Variants in LRRC27 observed in about 807,000 individuals in gnomAD.
LRRC27 encodes the protein leucine-rich repeat-containing protein 27.
A neutral mutation model predicts 55.0 loss-of-function variants in LRRC27; 57 were observed. That is an observed-to-expected ratio of 1.04 (90% confidence interval 0.84 to 1.29). The LOEUF (loss-of-function observed/expected upper bound fraction) is 1.29, where lower values mean the gene tolerates loss of function less well. Among genes scored for constraint, LRRC27 ranks in the 50% most tolerant of loss-of-function variants. LRRC27 has a pLI of 0.00. For missense variants in LRRC27, 721 were observed against 651.5 expected (o/e 1.11, Z -1.16); for synonymous variants, 278 against 251.9 (o/e 1.10, Z -0.98).
chr10:132,361,323 G>A, intron 8 of LRRC27, 134 bp from the exon 9 acceptor site: 1 of 748,590 alleles, frequency 1.3e-6, no homozygotes, highest in Non-Finnish European at 2.4e-6. Flanking sequence ...GTTGCACAGG[G>A]ACCGTCTACC....
At chr10:132,330,295 T>C (rs1441407831), upstream of LRRC27, 1 of 617,290 alleles carries the variant, frequency 1.6e-6, no homozygotes, top group African/African-American at 1.8e-5. Flanking sequence ...CTCAAATGGT[T>C]AGTAAATGTT....
rs1564854964 is a variant in LRRC27 at position 132,364,782 on chromosome 10, A to ACACC, written c.1290-641_1290-640insACCC. Among the ~76,000 whole-genome samples the ACACC allele has an allele frequency of 4.7e-4, 56 of 118,604 alleles. 4 individuals carry two copies. Among genetic ancestry groups the ACACC allele is most frequent in the Middle Eastern group, 5.2e-3 (1 of 192 alleles). The allele number at this position is 118,604 out of a possible 152,430, so 77.8% of individuals were successfully genotyped here. A position where few individuals can be genotyped will look rare whatever the true frequency, so the allele number is the denominator to read the frequency against. ...TACACTCATGCTTACATCTACCTCCACGCCCACACTCACACCCACCCACAC... is the reference window on the plus strand; with the variant it reads ...TACACTCATGCTTACATCTACCTCCACACCCGCCCACACTCACACCCACCCACAC... On this transcript the variant is annotated intron_variant, in intron 9 of 10. Coordinates refer to ENST00000368614, the MANE Select transcript of LRRC27 (RefSeq NM_030626.3).
At chr10:132,364,970 T>C (rs1038186591) in intron 9 of LRRC27, among the ~76,000 whole-genome samples, 1 of 152,244 alleles carries the variant, frequency 6.6e-6, no homozygotes, top group African/African-American at 2.4e-5. Flanking sequence ...CCCAAACCCC[T>C]GAGCCCCAGT....
At chr10:132,334,441 A>G (rs2067017632) in intron 2 of LRRC27, among the ~76,000 whole-genome samples, 1 of 152,166 alleles carries the variant, frequency 6.6e-6, no homozygotes, top group Non-Finnish European at 1.5e-5. Flanking sequence ...GGGTTTCACC[A>G]TGTTGCCCAG....
Position 132,372,994 on chromosome 10 carries a change from G to A in LRRC27, c.1417-2072G>A, listed in dbSNP as rs1274109849. Among the ~76,000 whole-genome samples, 2 of 152,126 alleles carry A rather than the reference G, an allele frequency of 1.3e-5. No homozygotes were observed. Among genetic ancestry groups the A allele is most frequent in the Non-Finnish European group, 2.9e-5 (2 of 68,024 alleles). ...GGGAGAGGCCAAAGCCAGCCGGCTG[G>A]GGAGCGAGCTTCGAATGGATGCGAA... On this transcript the variant is annotated intron_variant, in intron 10 of 10. Transcript: ENST00000368614. This position sits in a 1 kb window ranked among gnomAD's most constrained non-coding sequence, Gnocchi z 4.0.
chr10:132,376,546 G>A lies in LRRC27; in HGVS notation c.*1304G>A, dbSNP rs536404015. 6.6e-6 allele frequency: 1 copy of A among 152,492 alleles called. No individual in the cohort carries two copies. The highest frequency in any genetic ancestry group is 2.4e-5 in the African/African-American group (1 of 41,594). The allele number at this position is 152,492 out of a possible 1,614,324, so 9.4% of individuals were successfully genotyped here. A position where few individuals can be genotyped will look rare whatever the true frequency, so the allele number is the denominator to read the frequency against. ...GCTGGTCAGGGTCTCCCGTGAGGCT[G>A]GAGTCAGCCGTGGGTTGAGCTGCTC... is the stretch of plus-strand genomic sequence containing the variant. On this transcript the variant is annotated 3_prime_UTR_variant, in exon 11 of 11. Transcript: ENST00000368614.
At chr10:132,364,455 T>TTACATCTACCTC (rs2068858241) in intron 9 of LRRC27, among the ~76,000 whole-genome samples, 1 of 118,036 alleles carries the variant, frequency 8.5e-6, no homozygotes, top group African/African-American at 3.2e-5. Context: ...ACACCCACAC[T>TTACATCTACCTC]CACACCCACC....
chr10:132,331,784 C>A (rs12778987), upstream of LRRC27: 318,028 of 1,606,958 alleles, frequency 0.2, 35,032 homozygotes, highest in Non-Finnish European at 0.23. Context: ...CCCCTCCAGA[C>A]CCTCGCGGTC....
intron 8 of LRRC27, among the ~76,000 whole-genome samples, chr10:132,357,960 C>T (rs1484888107): frequency 1.3e-5 from 2 of 152,178 alleles, no homozygotes; most frequent in Non-Finnish European, 2.9e-5. Flanking sequence ...GGTGAGGCAG[C>T]TGAACGCATG....
At chr10:132,369,194 T>A (rs2069161083) in intron 10 of LRRC27, among the ~76,000 whole-genome samples, 2 of 152,226 alleles carry the variant, frequency 1.3e-5, no homozygotes. Flanking sequence ...TACAGCCACT[T>A]GGGAAGACAG....
chr10:132,332,608 C>T (rs1003496836), intron 1 of LRRC27: 14 of 152,140 alleles, frequency 9.2e-5, no homozygotes, highest in Admixed American at 4.6e-4. Flanking sequence ...AGCCTCCCCT[C>T]CTCTGTTTTA....
upstream of LRRC27, chr10:132,332,048 A>C: frequency 7.2e-6 from 2 of 277,530 alleles, no homozygotes; most frequent in Non-Finnish European, 1.3e-5. Context: ...ACGCAGGCAC[A>C]AACCCCCACA....
intron 9 of LRRC27, among the ~76,000 whole-genome samples, chr10:132,362,068 C>G (rs961813540): frequency 7.9e-5 from 12 of 152,214 alleles, no homozygotes; most frequent in Non-Finnish European, 1.5e-4. Flanking sequence ...GGCAGCGAGG[C>G]CAGGCGTTGA....
chr10:132,364,214 C>G (rs2068793015), intron 9 of LRRC27, among the ~76,000 whole-genome samples: 1 of 151,928 alleles, frequency 6.6e-6, no homozygotes. Flanking sequence ...AAAACCGGCA[C>G]AAACCCTGCT....
intron 10 of LRRC27, chr10:132,366,855 T>C (rs2069104870): frequency 7.8e-7 from 1 of 1,282,422 alleles, no homozygotes; most frequent in Admixed American, 2.3e-5. Context: ...GAGCCGGAGA[T>C]GGGAGAGAGG....
intron 3 of LRRC27, among the ~76,000 whole-genome samples, chr10:132,341,082 G>A (rs1023893572): frequency 1.3e-5 from 2 of 152,154 alleles, no homozygotes; most frequent in African/African-American, 4.8e-5. Context: ...GATCACTTGA[G>A]CCCAGGAGTT....
At chr10:132,354,152 G>A (rs781538612) in intron 7 of LRRC27, among the ~76,000 whole-genome samples, 1 of 152,196 alleles carries the variant, frequency 6.6e-6, no homozygotes, top group Non-Finnish European at 1.5e-5. Context: ...GGCAGAAAGG[G>A]CACTCTTACC....
intron 7 of LRRC27, 124 bp downstream of exon 7, chr10:132,351,877 TC>T: frequency 8.5e-7 from 1 of 1,170,588 alleles, no homozygotes; most frequent in Non-Finnish European, 1.2e-6. Context: ...CTGATGCTGA[TC>T]CAGGATCCGT....
intron 6 of LRRC27, chr10:132,349,068 G>A (rs1328061475): frequency 6.3e-7 from 1 of 1,580,296 alleles, no homozygotes; most frequent in South Asian, 1.1e-5. Flanking sequence ...GTATGTATCT[G>A]TGGTGTGCGT....
Sources: gnomAD v4.1 joint callset for allele counts (sites outside exome capture counted in the v4.1 genomes callset) on GRCh38, gnomAD v4.1.1 for gene constraint, Gnocchi (gnomAD v3.1) non-coding constraint, MANE v1.5 for transcripts, NCBI Gene and HGNC (gene_info 2026-07-23, HGNC 2026-07-21) for gene names.